LARP1: variants seen among roughly 807,000 people sequenced by gnomAD.
LARP1 encodes la-related protein 1.
LARP1 carries 36 observed loss-of-function variants against 122.7 expected under a neutral mutation model. That is an observed-to-expected ratio of 0.29 (90% CI 0.22 to 0.39). The LOEUF (loss-of-function observed/expected upper bound fraction) is 0.39, where lower values mean the gene tolerates loss of function less well. Among genes scored for constraint, LARP1 ranks in the 10% least tolerant of loss-of-function variants. LARP1 has a pLI of 1.00. For missense variants in LARP1, 1,040 were observed against 1,403.6 expected, an observed-to-expected ratio of 0.74 and a Z score of 4.14; for synonymous variants, 539 against 528.7, an observed-to-expected ratio of 1.02 and a Z score of -0.27.
chr5:154,724,166 C>T (rs1409988063), intron 1 of LARP1, among the ~76,000 whole-genome samples: 1 of 152,230 alleles, frequency 6.6e-6, no homozygotes, highest in African/African-American at 2.4e-5. Flanking sequence ...TGGAATAAGG[C>T]ACCTTGTTTA....
intron 1 of LARP1, among the ~76,000 whole-genome samples, chr5:154,773,752 G>A (rs1755633144): frequency 1.3e-5 from 2 of 152,176 alleles, no homozygotes; most frequent in South Asian, 4.1e-4. Context: ...CCTTCCACTT[G>A]GTTTGTCTGG....
intron 1 of LARP1, among the ~76,000 whole-genome samples, chr5:154,770,826 A>G (rs1755347616): frequency 6.6e-6 from 1 of 152,098 alleles, no homozygotes; most frequent in Admixed American, 6.5e-5. Flanking sequence ...AAGGGATTGG[A>G]TCCTGGCCGG....
chr5:154,707,619 A>G (rs774533780), intron 1 of LARP1, among the ~76,000 whole-genome samples: 4 of 151,982 alleles, frequency 2.6e-5, no homozygotes, highest in South Asian at 2.1e-4. Context: ...GTGGAAGACA[A>G]TTTTTCCACA....
intron 1 of LARP1, among the ~76,000 whole-genome samples, chr5:154,773,862 C>A (rs1311681256): frequency 6.6e-6 from 1 of 152,122 alleles, no homozygotes; most frequent in East Asian, 1.9e-4. Flanking sequence ...GGGAAAAAGA[C>A]CAGTTGGGCC....
rs1759544428 is a variant in LARP1 at position 154,814,597 on chromosome 5, G to A, written c.*501G>A. ...CTGGTGGTACCTCTGGGCCCCAGGA[G>A]CATCAGCCCCTTGATCATCTGGGGT... is the stretch of plus-strand genomic sequence containing the variant. On this transcript the variant is annotated 3_prime_UTR_variant, in exon 19 of 19. Transcript: ENST00000518297. 1 of 152,566 alleles carries A rather than the reference G, an allele frequency of 6.6e-6. No homozygotes were observed. The highest frequency in any genetic ancestry group is 2.1e-4 in the South Asian group (1 of 4,828). The allele number at this position is 152,566 out of a possible 1,614,324, so 9.5% of individuals were successfully genotyped here.
intron 1 of LARP1, among the ~76,000 whole-genome samples, chr5:154,685,336 C>T (rs1208016271): frequency 6.6e-6 from 1 of 152,134 alleles, no homozygotes; most frequent in African/African-American, 2.4e-5. Context: ...TGCTCTCCTA[C>T]CTCTGTCCAT....
chr5:154,684,383 C>G (rs1753827510), intron 1 of LARP1, among the ~76,000 whole-genome samples: 1 of 152,058 alleles, frequency 6.6e-6, no homozygotes, highest in Admixed American at 6.6e-5. Flanking sequence ...CTATAGTAAG[C>G]TGTGTTTGTG....
At chr5:154,810,265 G>A (rs61359313) in intron 16 of LARP1, among the ~76,000 whole-genome samples, 3 of 150,902 alleles carry the variant, frequency 2.0e-5, no homozygotes, top group African/African-American at 7.3e-5. Context: ...GTGAAGCCCC[G>A]TCTCTACTAA....
chr5:154,776,356 C>T (rs1755883012), intron 1 of LARP1, among the ~76,000 whole-genome samples: 1 of 152,202 alleles, frequency 6.6e-6, no homozygotes, highest in Non-Finnish European at 1.5e-5. Flanking sequence ...TGTCAGGACA[C>T]TCATCATGTG....
intron 1 of LARP1, among the ~76,000 whole-genome samples, chr5:154,687,404 C>T (rs747040590): frequency 9.9e-5 from 15 of 152,010 alleles, no homozygotes; most frequent in Non-Finnish European, 1.9e-4. Context: ...GTTTGTGAGA[C>T]GGAGTCTCAC....
chr5:154,740,393 C>CA (rs538295324), intron 1 of LARP1, among the ~76,000 whole-genome samples: 9,974 of 73,076 alleles, frequency 0.14, 448 homozygotes, highest in Middle Eastern at 0.18. Context: ...AACTCTGTCT[C>CA]AAAAAAAAAA....
intron 1 of LARP1, among the ~76,000 whole-genome samples, chr5:154,727,016 A>T (rs2113380147): frequency 6.6e-6 from 1 of 152,318 alleles, no homozygotes; most frequent in African/African-American, 2.4e-5. Flanking sequence ...GATCATTATA[A>T]TTCAAGGTGA....
intron 1 of LARP1, among the ~76,000 whole-genome samples, chr5:154,725,229 A>C (rs1756131752): frequency 6.6e-6 from 1 of 151,900 alleles, no homozygotes; most frequent in Admixed American, 6.6e-5. Context: ...GTCTCTACTA[A>C]AAATACAAAA....
intron 1 of LARP1, among the ~76,000 whole-genome samples, chr5:154,698,554 A>G (rs1754577320): frequency 6.6e-6 from 1 of 152,186 alleles, no homozygotes; most frequent in Non-Finnish European, 1.5e-5. Context: ...CTGAGATCAC[A>G]CCACTGCACT....
intron 1 of LARP1, among the ~76,000 whole-genome samples, chr5:154,719,782 A>G (rs1755743233): frequency 6.6e-6 from 1 of 151,536 alleles, no homozygotes; most frequent in African/African-American, 2.4e-5. Flanking sequence ...GAATCACTTG[A>G]GGCCAGGAGG....
chr5:154,787,722 C>T (rs1009489772), intron 1 of LARP1, among the ~76,000 whole-genome samples: 2 of 152,106 alleles, frequency 1.3e-5, no homozygotes, highest in Admixed American at 6.5e-5. Context: ...AGCAGGGCAC[C>T]GTGGGTTTTC....
At chr5:154,743,330 T>C (rs1365371377) in intron 1 of LARP1, among the ~76,000 whole-genome samples, 3 of 149,234 alleles carry the variant, frequency 2.0e-5, no homozygotes, top group Non-Finnish European at 3.0e-5. Context: ...TTTTTTGAAA[T>C]GGAATTTCGC....
At chr5:154,811,195 C>G in intron 16 of LARP1, 52 bp from the exon 17 acceptor site, 1 of 1,352,874 alleles carries the variant, frequency 7.4e-7, no homozygotes, top group Non-Finnish European at 1.1e-6. Context: ...GGCACATTTC[C>G]CGTTTTACAG....
intron 1 of LARP1, among the ~76,000 whole-genome samples, chr5:154,781,330 A>C (rs1462451516): frequency 6.6e-6 from 1 of 152,128 alleles, no homozygotes; most frequent in African/African-American, 2.4e-5. Flanking sequence ...TTCTGGGCTC[A>C]CGCCTGTAAT....
Sources: allele counts gnomAD v4.1 joint callset (sites outside exome capture counted in the v4.1 genomes callset), GRCh38; gene constraint gnomAD v4.1.1; transcripts MANE v1.5; gene names NCBI Gene and HGNC (gene_info 2026-07-23, HGNC 2026-07-21).